Variants in KPNA3 observed in about 807,000 individuals in gnomAD.
KPNA3 encodes karyopherin subunit alpha 3.
KPNA3 carries 13 observed loss-of-function variants against 73.8 expected under a neutral mutation model. The observed-to-expected ratio is 0.18, with a 90% CI of 0.11 to 0.28. The LOEUF is 0.28. Ranked by LOEUF, KPNA3 falls within the 10% of genes least tolerant of loss-of-function variation. KPNA3 has a pLI of 1.00. For synonymous variants in KPNA3, 186 were observed against 206.9 expected, an observed-to-expected ratio of 0.90 and a Z score of 0.87; for missense variants, 360 against 618.1, an observed-to-expected ratio of 0.58 and a Z score of 4.43.
intron 6 of KPNA3, among the ~76,000 whole-genome samples, chr13:49,730,890 C>A (rs1055326309): frequency 5.9e-5 from 9 of 151,354 alleles, no homozygotes; most frequent in Middle Eastern, 3.4e-3. Context: ...CATTCTCCTG[C>A]CTCAGCCTCC....
intron 1 of KPNA3, among the ~76,000 whole-genome samples, chr13:49,756,774 C>T (rs576015404): frequency 1.1e-4 from 16 of 152,124 alleles, no homozygotes; most frequent in Admixed American, 2.0e-4. Flanking sequence ...AAATGAAAAA[C>T]GAAGTGGAAG....
chr13:49,730,369 C>T (rs1033434464), intron 6 of KPNA3, among the ~76,000 whole-genome samples: 1 of 151,362 alleles, frequency 6.6e-6, no homozygotes, highest in Non-Finnish European at 1.5e-5. Context: ...CCCATCTATA[C>T]TAAAAATACA....
chr13:49,765,339 A>G (rs183002930), intron 1 of KPNA3, among the ~76,000 whole-genome samples: 10 of 152,346 alleles, frequency 6.6e-5, no homozygotes, highest in Admixed American at 6.5e-4. Flanking sequence ...TCACCTGTAT[A>G]TATTCTAGGT....
rs541797077 is a variant in KPNA3 at position 49,719,459 on chromosome 13, G to T, written c.771+316C>A. Among the ~76,000 whole-genome samples the T allele has an allele frequency of 3.9e-5, 6 of 152,128 alleles. No homozygotes were observed. In the East Asian group the frequency reaches 1.2e-3, roughly 29 times the overall value. On this transcript the variant is annotated intron_variant, in intron 10 of 16. Coordinates refer to ENST00000261667, the MANE Select transcript of KPNA3 (RefSeq NM_002267.4). Reference sequence around the variant, plus strand: ...GCCTATCTGTTGTAAGAACCAGTGAGATTTTTTTTAAAAAGTAAGGTGTTT... The same window carrying T: ...GCCTATCTGTTGTAAGAACCAGTGATATTTTTTTTAAAAAGTAAGGTGTTT...
At chr13:49,746,064 G>GAAA (rs398022733) in intron 2 of KPNA3, among the ~76,000 whole-genome samples, 25 of 83,032 alleles carry the variant, frequency 3.0e-4, no homozygotes, top group South Asian at 7.9e-4. Flanking sequence ...CTCTGCATCA[G>GAAA]AAAAAAAAAA....
rs139738373 is a variant in KPNA3, at chr13:49,789,622, C to T, written c.69+2816G>A. 1.9e-4 allele frequency among the ~76,000 whole-genome samples: 29 copies of T among 152,262 alleles called. No individual in the cohort carries two copies. The East Asian group carries it at 5.2e-3, about 27-fold the overall frequency. The stretch of plus-strand genomic sequence containing the variant: ...CACTGTTTTGGAACAGCCTGATAAC[C>T]ACAACTACTCAGTTACAGAGCTAAG... On this transcript the variant is annotated intron_variant, in intron 1 of 16. Transcript: ENST00000261667.
chr13:49,741,596 G>A (rs1954574785), intron 2 of KPNA3, among the ~76,000 whole-genome samples: 1 of 152,018 alleles, frequency 6.6e-6, no homozygotes, highest in Non-Finnish European at 1.5e-5. Flanking sequence ...TGGGACTACA[G>A]GCAAATGCCA....
In KPNA3 at chr13:49,701,875, A is replaced by G. The variant is rs1194503847; in HGVS notation, c.1491T>C (p.Ile497=). Residue 497 remains isoleucine (I), a synonymous_variant, in exon 17 of 17, where the codon ATT becomes ATC. Transcript: ENST00000261667. ...GDDIDEDPCL[I]PEATQGGTYN... is the part of the protein sequence containing the mutation. ...AGGTACCTCCTTGTGTTGCTTCAGGAATGAGGCAGGGATCTTCATCAATCT... is the reference window on the plus strand; with the variant it reads ...AGGTACCTCCTTGTGTTGCTTCAGGGATGAGGCAGGGATCTTCATCAATCT... The G allele has an allele frequency of 6.2e-7, 1 of 1,611,746 alleles. No homozygotes were observed. Among genetic ancestry groups the G allele is most frequent in the African/African-American group, 1.3e-5 (1 of 74,894 alleles).
rs148322253 is a variant in KPNA3, at chr13:49,733,002, T to C, written c.159A>G (p.Gln53=). 7 of 1,611,920 alleles carry C rather than the reference T, an allele frequency of 4.3e-6. No individual in the cohort carries two copies. The highest frequency in any genetic ancestry group is 4.0e-5 in the African/African-American group (3 of 74,962). Residue 53 remains glutamine (Q), a synonymous_variant, in exon 3 of 17, where the codon CAA becomes CAG. Transcript: ENST00000261667. ...CATCTGAATCTTCTAGACTTTCTTC[T>C]TGGGGAACATTTCTCTTTTTCAATA... The part of the protein sequence containing the change: ...EHLLKKRNVP[Q]EESLEDSDVD...
chr13:49,759,960 GAGAC>G (rs1422012417), intron 1 of KPNA3, among the ~76,000 whole-genome samples: 1 of 152,142 alleles, frequency 6.6e-6, no homozygotes, highest in Non-Finnish European at 1.5e-5. Context: ...ATAACAGAAA[GAGAC>G]AGCCAGACAC....
intron 1 of KPNA3, among the ~76,000 whole-genome samples, chr13:49,747,931 C>G (rs1954632542): frequency 6.6e-6 from 1 of 152,140 alleles, no homozygotes; most frequent in Non-Finnish European, 1.5e-5. Context: ...GTGGCTCACT[C>G]TCTCCTAGCT....
At chr13:49,771,320 A>T (rs1954853752) in intron 1 of KPNA3, among the ~76,000 whole-genome samples, 1 of 152,316 alleles carries the variant, frequency 6.6e-6, no homozygotes. Flanking sequence ...TCTTTCTTTC[A>T]ATGAAGTTGT....
chr13:49,720,952 C>T (rs768392493), intron 9 of KPNA3, among the ~76,000 whole-genome samples: 3 of 152,142 alleles, frequency 2.0e-5, no homozygotes, highest in African/African-American at 4.8e-5. Flanking sequence ...GGGGCAGTGG[C>T]TCACACCTGT....
intron 10 of KPNA3, among the ~76,000 whole-genome samples, chr13:49,711,324 C>T (rs891812492): frequency 1.8e-4 from 27 of 152,292 alleles, no homozygotes; most frequent in African/African-American, 5.8e-4. Flanking sequence ...GTAATTCTCC[C>T]TGCCCTCACA....
intron 1 of KPNA3, among the ~76,000 whole-genome samples, chr13:49,762,876 T>A (rs1278189215): frequency 4.4e-5 from 5 of 113,436 alleles, no homozygotes; most frequent in Admixed American, 9.1e-5. Flanking sequence ...AAAATAAAAT[T>A]AAATTAAAAA....
At chr13:49,757,273 A>T (rs1299632622) in intron 1 of KPNA3, among the ~76,000 whole-genome samples, 2 of 144,432 alleles carry the variant, frequency 1.4e-5, no homozygotes, top group South Asian at 2.2e-4. Context: ...AAAAAAAAAA[A>T]TTTGCAACCA....
At chr13:49,771,558 G>A (rs1372948566) in intron 1 of KPNA3, among the ~76,000 whole-genome samples, 2 of 152,060 alleles carry the variant, frequency 1.3e-5, no homozygotes, top group Admixed American at 1.3e-4. Context: ...CCAGCTCAAG[G>A]CTCCCTCCTC....
At chr13:49,739,505 G>T (rs952346348) in intron 2 of KPNA3, among the ~76,000 whole-genome samples, 1 of 152,104 alleles carries the variant, frequency 6.6e-6, no homozygotes, top group South Asian at 2.1e-4. Context: ...ATGCATAAAA[G>T]CCTCTCTAAA....
intron 6 of KPNA3, among the ~76,000 whole-genome samples, chr13:49,727,884 T>C (rs1051136195): frequency 2.0e-5 from 3 of 152,182 alleles, no homozygotes; most frequent in Non-Finnish European, 4.4e-5. Flanking sequence ...CTTAAAACTT[T>C]ACGGGGAAAA....
Sources: gnomAD v4.1 joint callset for allele counts (sites outside exome capture counted in the v4.1 genomes callset) on GRCh38, gnomAD v4.1.1 for gene constraint, MANE v1.5 for transcripts, NCBI Gene and HGNC (gene_info 2026-07-23, HGNC 2026-07-21) for gene names.